The following DCC variants were observed in gnomAD, a reference collection of about 807,000 sequenced individuals.
DCC encodes DCC netrin 1 receptor.
A neutral mutation model predicts 172.5 loss-of-function variants in DCC; 58 were observed. The observed-to-expected ratio is 0.34, with a 90% confidence interval of 0.27 to 0.42. The LOEUF (loss-of-function observed/expected upper bound fraction) is 0.42. Among genes scored for constraint, DCC ranks in the 10% least tolerant of loss-of-function variants. The pLI, the probability that DCC is intolerant of heterozygous loss-of-function variation, is 1.00. For synonymous variants in DCC, 709 were observed against 644.5 expected, an observed-to-expected ratio of 1.10 and a Z score of -1.52; for missense variants, 1,740 against 1,791.0, an observed-to-expected ratio of 0.97 and a Z score of 0.51.
At chr18:52,848,606 G>C (rs113805465) in intron 2 of DCC, among the ~76,000 whole-genome samples, 31 of 151,840 alleles carry the variant, frequency 2.0e-4, no homozygotes, top group African/African-American at 5.8e-4. Context: ...TTGGAGTTTC[G>C]CATGTTTATT....
intron 8 of DCC, among the ~76,000 whole-genome samples, chr18:53,167,253 C>T (rs183087738): frequency 6.6e-6 from 1 of 152,276 alleles, no homozygotes; most frequent in African/African-American, 2.4e-5. Context: ...AGACTTGCTA[C>T]AAATAATCCA....
At chr18:52,796,789 G>A (rs547365132) in intron 2 of DCC, among the ~76,000 whole-genome samples, 18 of 152,208 alleles carry the variant, frequency 1.2e-4, no homozygotes, top group African/African-American at 3.9e-4. Context: ...ATGTGGCTTG[G>A]AGAAGACATT....
chr18:52,432,768 C>G (rs2144473271), intron 1 of DCC, among the ~76,000 whole-genome samples: 1 of 152,222 alleles, frequency 6.6e-6, no homozygotes. Context: ...AGCTACATAG[C>G]CTAAACTGAG....
chr18:52,910,238 G>GA (rs1296233555), intron 3 of DCC, among the ~76,000 whole-genome samples: 2 of 152,142 alleles, frequency 1.3e-5, no homozygotes, highest in African/African-American at 4.8e-5. Flanking sequence ...GACTCTGACA[G>GA]AAGCTGGTTA....
At chr18:52,352,796 A>G (rs1022135451) in intron 1 of DCC, among the ~76,000 whole-genome samples, 4 of 152,172 alleles carry the variant, frequency 2.6e-5, no homozygotes, top group Admixed American at 6.5e-5. Context: ...TGATTCCAAC[A>G]TGCAGTCATG....
chr18:53,435,735 C>T (rs1174234746), intron 22 of DCC, among the ~76,000 whole-genome samples: 1 of 152,104 alleles, frequency 6.6e-6, no homozygotes, highest in Admixed American at 6.6e-5. Flanking sequence ...TCTGCTCATC[C>T]TAGTGGAGCA....
intron 18 of DCC, 108 bp downstream of exon 18, chr18:53,397,554 A>T (rs1468127291): frequency 1.6e-6 from 2 of 1,223,392 alleles, no homozygotes; most frequent in Non-Finnish European, 2.4e-6. Flanking sequence ...CTTATCCTAT[A>T]TAAAATAGTT....
Position 52,752,119 on chromosome 18 carries a change from C to T in DCC, c.157C>T (p.Arg53Trp), listed in dbSNP as rs749558240. The T allele has an allele frequency of 6.8e-6, 11 of 1,613,948 alleles. No individual in the cohort carries two copies. The highest frequency in any genetic ancestry group is 2.7e-5 in the African/African-American group (2 of 74,894). Residue 53 changes from arginine (R) to tryptophan (W), a missense_variant, in exon 2 of 29, where the codon CGG becomes TGG. By Grantham distance (101) the Arg-to-Trp change is moderately radical. Coordinates refer to ENST00000442544, the MANE Select transcript of DCC (RefSeq NM_005215.4). ...AGAACCTTCTGATGCCGTCACAATG[C>T]GGGGAGGAAATGTCCTCCTCGACTG... ...LSEPSDAVTM[R>W]GGNVLLDCSA...
chr18:53,520,258 G>C (rs771713043), intron 27 of DCC, among the ~76,000 whole-genome samples: 4 of 152,082 alleles, frequency 2.6e-5, no homozygotes, highest in Non-Finnish European at 4.4e-5. Context: ...CAGATGAGAG[G>C]CCGCAATATG....
intron 9 of DCC, among the ~76,000 whole-genome samples, chr18:53,186,080 T>A (rs1291448303): frequency 6.6e-6 from 1 of 152,190 alleles, no homozygotes; most frequent in Non-Finnish European, 1.5e-5. Context: ...AAGAAGCTTC[T>A]GCTGGCTCTC....
intron 5 of DCC, among the ~76,000 whole-genome samples, chr18:52,937,395 T>G (rs2040396871): frequency 6.6e-6 from 1 of 152,180 alleles, no homozygotes; most frequent in African/African-American, 2.4e-5. Flanking sequence ...ACCTCCTCAT[T>G]CCCTTCCATG....
At chr18:53,236,003 T>A (rs2056197446) in intron 12 of DCC, among the ~76,000 whole-genome samples, 2 of 152,298 alleles carry the variant, frequency 1.3e-5, no homozygotes, top group South Asian at 4.1e-4. Flanking sequence ...TTGATGAATA[T>A]TGGATTGTTT....
At chr18:53,171,535 A>G (rs2055013555) in intron 8 of DCC, among the ~76,000 whole-genome samples, 1 of 152,216 alleles carries the variant, frequency 6.6e-6, no homozygotes. Flanking sequence ...ATTTTTTATG[A>G]ATTATTAATT....
intron 1 of DCC, among the ~76,000 whole-genome samples, chr18:52,604,320 G>A (rs2034085485): frequency 6.6e-6 from 1 of 152,072 alleles, no homozygotes; most frequent in Non-Finnish European, 1.5e-5. Context: ...TCAAGGAACA[G>A]GGAACATCTG....
intron 2 of DCC, among the ~76,000 whole-genome samples, chr18:52,884,500 T>C (rs567601968): frequency 3.0e-4 from 45 of 152,192 alleles, no homozygotes; most frequent in South Asian, 2.1e-4. Flanking sequence ...CATTCTTCAA[T>C]ATATCAATTG....
intron 15 of DCC, among the ~76,000 whole-genome samples, chr18:53,363,036 C>T (rs1223313223): frequency 1.3e-5 from 2 of 152,124 alleles, no homozygotes; most frequent in Non-Finnish European, 2.9e-5. Context: ...TCTTACAATG[C>T]ATTAACACCA....
At chr18:53,152,652 C>G (rs1483607443) in intron 7 of DCC, among the ~76,000 whole-genome samples, 1 of 152,080 alleles carries the variant, frequency 6.6e-6, no homozygotes, top group Admixed American at 6.5e-5. Flanking sequence ...GATAAAGAAG[C>G]TGTAGCTATA....
At chr18:53,482,640 A>G (rs1235688000) in intron 25 of DCC, among the ~76,000 whole-genome samples, 1 of 152,042 alleles carries the variant, frequency 6.6e-6, no homozygotes, top group East Asian at 1.9e-4. Context: ...TAATATACTC[A>G]TTTTGATAAT....
At chr18:52,964,622 A>C (rs900626882) in intron 5 of DCC, among the ~76,000 whole-genome samples, 2 of 152,142 alleles carry the variant, frequency 1.3e-5, no homozygotes, top group Non-Finnish European at 2.9e-5. Context: ...AGGATCTGAA[A>C]TCACCAGAGA....
Sources: gnomAD v4.1 joint callset for allele counts (sites outside exome capture counted in the v4.1 genomes callset) on GRCh38, gnomAD v4.1.1 for gene constraint, MANE v1.5 for transcripts, NCBI Gene and HGNC (gene_info 2026-07-23, HGNC 2026-07-21) for gene names.